TMEM43: variants seen among roughly 807,000 people sequenced by gnomAD.
TMEM43 encodes arrhythmogenic right ventricular dysplasia 5.
TMEM43 carries 45 observed loss-of-function variants against 49.6 expected under a neutral mutation model. The ratio of observed to expected loss-of-function variants is 0.91; its 90% CI spans 0.71 to 1.16. The LOEUF (loss-of-function observed/expected upper bound fraction) is 1.16. Among genes scored for constraint, TMEM43 ranks in the 50% most tolerant of loss-of-function variants. The probability of loss-of-function intolerance (pLI) is 0.00; values close to 1 mark genes in which losing one functional copy is unlikely to be tolerated. For synonymous variants in TMEM43, 199 were observed against 207.8 expected (o/e 0.96, Z 0.36); for missense variants, 532 against 516.6 (o/e 1.03, Z -0.29).
At chr3:14,141,179 C>G (rs1481339382) in intron 11 of TMEM43, among the ~76,000 whole-genome samples, 1 of 152,192 alleles carries the variant, frequency 6.6e-6, no homozygotes, top group Non-Finnish European at 1.5e-5. Flanking sequence ...ACCAACACCT[C>G]TAGGAATGGC....
chr3:14,135,897 T>C lies in TMEM43; in HGVS notation c.871T>C (p.Phe291Leu). Residue 291 changes from phenylalanine (F) to leucine (L), a missense_variant, in exon 10 of 12, where the codon TTC becomes CTC. By Grantham distance (22) the Phe-to-Leu change is conservative (BLOSUM62 0). Transcript: ENST00000306077. ...DTLLLLHHGD[F>L]SAEEVFHREL... ...CTTACTGCTCCTGCACCACGGGGAC[T>C]TCTCAGCAGAGGTGAGTGCTGTGCC... The C allele has an allele frequency of 1.2e-6, 2 of 1,614,120 alleles. No homozygotes were observed. The highest frequency in any genetic ancestry group is 1.7e-6 in the Non-Finnish European group (2 of 1,179,962).
Position 14,130,081 on chromosome 3 carries a change from CTTGT to C in TMEM43, c.162+531_162+534del, listed in dbSNP as rs558162956. ...CCTTTGTCTCTCTCTTTCTCTCTTT[CTTGT>C]TTGTTTGTTTCTTTCTTTCTCTCCC... is the stretch of plus-strand genomic sequence containing the variant. On this transcript the variant is annotated intron_variant, in intron 2 of 11. Transcript: ENST00000306077. 7.1e-3 allele frequency among the ~76,000 whole-genome samples: 916 copies of C among 129,374 alleles called. 8 individuals are homozygous for C. The highest frequency in any genetic ancestry group is 0.02 in the African/African-American group (710 of 34,858). 84.9% of individuals were successfully genotyped at this position (129,374 alleles called of 152,430 possible).
intron 10 of TMEM43, among the ~76,000 whole-genome samples, chr3:14,136,807 G>C (rs1695176292): frequency 6.7e-6 from 1 of 148,416 alleles, no homozygotes; most frequent in Non-Finnish European, 1.5e-5. Flanking sequence ...ATTGTAAATA[G>C]GGAGGGCTAT....
At chr3:14,132,998 T>C in intron 6 of TMEM43, 63 bp downstream of exon 6, 1 of 1,347,802 alleles carries the variant, frequency 7.4e-7, no homozygotes, top group East Asian at 2.3e-5. Flanking sequence ...CCAGCCTCAG[T>C]TTCTTCATCT....
At chr3:14,134,173 T>G (rs1294284119) in intron 7 of TMEM43, among the ~76,000 whole-genome samples, 2 of 152,212 alleles carry the variant, frequency 1.3e-5, no homozygotes, top group Non-Finnish European at 2.9e-5. Flanking sequence ...GCTCTCAGCC[T>G]AGGGCTCCCC....
chr3:14,136,966 A>G (rs943089322), intron 10 of TMEM43, among the ~76,000 whole-genome samples: 1 of 149,620 alleles, frequency 6.7e-6, no homozygotes, highest in Non-Finnish European at 1.5e-5. Context: ...GTTGATGAAC[A>G]CAGGTATCCC....
At position 14,141,631 on chromosome 3, in the gene TMEM43, G is replaced by A; in HGVS notation, c.1039G>A (p.Gly347Ser). ...TGTTTTCCGAGACCTGGTCAACATT[G>A]GCCTGAAAGCCTTTGCCTTCTGTGT... ...FPVFRDLVNI[G>S]LKAFAFCVAT... The change falls in exon 12 of 12, where the codon GGC becomes AGC. Residue 347 changes from glycine to serine, a missense_variant. Gly to Ser is a moderately conservative substitution (Grantham distance 56). Transcript: ENST00000306077. 6.2e-7 allele frequency: 1 copy of A among 1,614,146 alleles called. No homozygotes were observed. Among genetic ancestry groups the A allele is most frequent in the Non-Finnish European group, 8.5e-7 (1 of 1,180,028 alleles).
intron 8 of TMEM43, 47 bp from the exon 9 acceptor site, chr3:14,135,111 G>T: frequency 6.3e-7 from 1 of 1,577,018 alleles, no homozygotes. Context: ...CTGGGCCTGG[G>T]CCAGCTACTC....
chr3:14,141,654 T>C lies in TMEM43; in HGVS notation c.1062T>C (p.Cys354=), dbSNP rs1267832204. The part of the protein sequence containing the change: ...VNIGLKAFAF[C]VATSLTLLTV... ...TTGGCCTGAAAGCCTTTGCCTTCTG[T>C]GTGGCCACCTCGCTGACCCTGCTGA... The change falls in exon 12 of 12, where the codon TGT becomes TGC. Residue 354 remains cysteine (C), a synonymous_variant. Transcript: ENST00000306077. The C allele has an allele frequency of 6.2e-7, 1 of 1,614,194 alleles. No homozygotes were observed. The highest frequency in any genetic ancestry group is 8.5e-7 in the Non-Finnish European group (1 of 1,180,024).
chr3:14,131,048 A>G, intron 3 of TMEM43, 92 bp downstream of exon 3: 1 of 1,485,274 alleles, frequency 6.7e-7, no homozygotes. Flanking sequence ...GGCCTTGGAG[A>G]TGGTCACACA....
In TMEM43 at chr3:14,141,833, T is replaced by G. The variant is rs776622211; in HGVS notation, c.*38T>G. On this transcript the variant is annotated 3_prime_UTR_variant, in exon 12 of 12. Transcript: ENST00000306077. ...ACCCGCCCGACACCTGCGTGAGCCC[T>G]AGGATCCAGGTCCTCTCTCACCTCT... The G allele has an allele frequency of 6.3e-7, 1 of 1,586,192 alleles. No individual in the cohort carries two copies. Among genetic ancestry groups the G allele is most frequent in the South Asian group, 1.1e-5 (1 of 89,006 alleles).
intron 10 of TMEM43, 83 bp from the exon 11 acceptor site, chr3:14,139,097 T>C (rs1695214600): frequency 1.0e-6 from 1 of 998,076 alleles, no homozygotes; most frequent in East Asian, 2.4e-5. Context: ...CCCGAGTTGG[T>C]ACAGCCCCCT....
At chr3:14,133,194 G>T (rs1346088788) in intron 6 of TMEM43, among the ~76,000 whole-genome samples, 1 of 152,230 alleles carries the variant, frequency 6.6e-6, no homozygotes. Flanking sequence ...GCACACACGG[G>T]GCCGGGGAAG....
At chr3:14,134,683 T>G (rs1187557884) in intron 7 of TMEM43, 87 bp from the exon 8 acceptor site, 1 of 1,571,780 alleles carries the variant, frequency 6.4e-7, no homozygotes, top group Non-Finnish European at 8.7e-7. Flanking sequence ...GCTCCAGGGG[T>G]GCAGTGGAAG....
At chr3:14,129,914 CA>C (rs967554434) in intron 2 of TMEM43, among the ~76,000 whole-genome samples, 4 of 152,140 alleles carry the variant, frequency 2.6e-5, no homozygotes, top group African/African-American at 9.7e-5. Context: ...TCTGTGATGG[CA>C]AATGTGGCCC....
rs796281799 is a variant in TMEM43 at position 14,134,623 on chromosome 3, C to T, written c.584-147C>T. The stretch of plus-strand genomic sequence containing the variant: ...GGTCTAACCCAGGGGAAGCCGTGGA[C>T]GAGACAGAGTCAGAAAGAGGCACTG... On this transcript the variant is annotated intron_variant, in intron 7 of 11. Transcript: ENST00000306077. 28 of 1,082,382 alleles carry T rather than the reference C, an allele frequency of 2.6e-5. No homozygotes were observed. The East Asian group carries it at 4.7e-4, about 18-fold the overall frequency. The allele number at this position is 1,082,382 out of a possible 1,614,324, so 67.0% of individuals were successfully genotyped here.
intron 1 of TMEM43, among the ~76,000 whole-genome samples, chr3:14,127,530 C>G (rs1559359510): frequency 6.6e-6 from 1 of 152,224 alleles, no homozygotes; most frequent in Non-Finnish European, 1.5e-5. Flanking sequence ...GATTTGAATC[C>G]TAACTCTTCC....
Position 14,129,532 on chromosome 3 carries a change from C to T in TMEM43, c.133C>T (p.Leu45Phe), listed in dbSNP as rs1451474822. 2.5e-6 allele frequency: 4 copies of T among 1,614,114 alleles called. No homozygotes were observed. Among genetic ancestry groups the T allele is most frequent in the Admixed American group, 1.7e-5 (1 of 60,030 alleles). The change falls in exon 2 of 12, where the codon CTC becomes TTC. Residue 45 changes from leucine (L) to phenylalanine (F), a missense_variant. Leu to Phe is a conservative substitution (Grantham distance 22). Transcript: ENST00000306077. The stretch of plus-strand genomic sequence containing the variant: ...GTTTGTGGGGCTCATGGCCTTCCTG[C>T]TCTCCTTCTACCTAATTTTCACCAA... The part of the protein sequence containing the change: ...GMFVGLMAFL[L>F]SFYLIFTNEG...
chr3:14,143,635 CATT>C lies in TMEM43; in HGVS notation c.*1841_*1843del, dbSNP rs1695285422. Reference sequence around the variant, plus strand: ...CTTTGGAAAACCAAATTTGTAATATCATTGTATTTTTTATTAAAAGTTTTGTAA... The same window carrying C: ...CTTTGGAAAACCAAATTTGTAATATCGTATTTTTTATTAAAAGTTTTGTAA... On this transcript the variant is annotated 3_prime_UTR_variant, in exon 12 of 12. Transcript: ENST00000306077. 4.6e-5 allele frequency: 7 copies of C among 152,024 alleles called. No homozygotes were observed. Among genetic ancestry groups the C allele is most frequent in the Admixed American group, 3.9e-4 (6 of 15,278 alleles). 9.4% of individuals were successfully genotyped at this position (152,024 alleles called of 1,614,324 possible).
Sources: allele counts gnomAD v4.1 joint callset (sites outside exome capture counted in the v4.1 genomes callset), GRCh38; gene constraint gnomAD v4.1.1; transcripts MANE v1.5; gene names NCBI Gene and HGNC (gene_info 2026-07-23, HGNC 2026-07-21).